Variants in FZD3 observed in about 807,000 individuals in gnomAD.
FZD3 encodes the protein frizzled class receptor 3.
FZD3 carries 30 observed loss-of-function variants against 60.7 expected under a neutral mutation model. The observed-to-expected ratio is 0.49, with a 90% CI of 0.37 to 0.67. The LOEUF (loss-of-function observed/expected upper bound fraction) is 0.67, where lower values mean the gene tolerates loss of function less well. Among genes scored for constraint, FZD3 ranks in the 30% least tolerant of loss-of-function variants. The pLI, the probability that FZD3 is intolerant of heterozygous loss-of-function variation, is 0.00. For missense variants in FZD3, 605 were observed against 838.7 expected (o/e 0.72, Z 3.44); for synonymous variants, 246 against 275.2 (o/e 0.89, Z 1.05).
rs574753720 is a variant in FZD3 at position 28,570,246 on chromosome 8, C to T, written c.*7235C>T. ...GTGGCTCACGCCTGTAATCCCAGCA[C>T]TTTGGGAGGCCAAGGTGGGCAGATC... On this transcript the variant is annotated 3_prime_UTR_variant, in exon 8 of 8. Coordinates refer to ENST00000240093, the MANE Select transcript of FZD3 (RefSeq NM_017412.4). 6.6e-6 allele frequency: 1 copy of T among 152,456 alleles called. No individual in the cohort carries two copies. Among genetic ancestry groups the T allele is most frequent in the African/African-American group, 2.4e-5 (1 of 41,564 alleles). 9.4% of individuals were successfully genotyped at this position (152,456 alleles called of 1,614,324 possible). A position where few individuals can be genotyped will look rare whatever the true frequency, so the allele number is the denominator to read the frequency against.
At chr8:28,554,806 A>T (rs13267664) in intron 6 of FZD3, among the ~76,000 whole-genome samples, 80,728 of 151,916 alleles carry the variant, frequency 0.53, 21,983 homozygotes, top group South Asian at 0.63. Context: ...CTTTTGTAAT[A>T]TGAGAATTTA....
chr8:28,528,483 T>C (rs539190999), intron 5 of FZD3, among the ~76,000 whole-genome samples: 1 of 152,120 alleles, frequency 6.6e-6, no homozygotes, highest in Non-Finnish European at 1.5e-5. Context: ...TATAAAAATT[T>C]GCTTTTTATG....
chr8:28,502,485 G>A (rs1032139098), intron 2 of FZD3, among the ~76,000 whole-genome samples, 185 bp from the exon 3 acceptor site: 1 of 152,114 alleles, frequency 6.6e-6, no homozygotes, highest in African/African-American at 2.4e-5. Context: ...GCTGTTTAAG[G>A]ATCATTTTAG....
In FZD3 at chr8:28,566,824, G is replaced by A. The variant is rs1805713647; in HGVS notation, c.*3813G>A. The A allele has an allele frequency of 6.6e-6, 1 of 152,110 alleles. No individual in the cohort carries two copies. Among genetic ancestry groups the A allele is most frequent in the African/African-American group, 2.4e-5 (1 of 41,412 alleles). 9.4% of individuals were successfully genotyped at this position (152,110 alleles called of 1,614,324 possible). A position where few individuals can be genotyped will look rare whatever the true frequency, so the allele number is the denominator to read the frequency against. The stretch of plus-strand genomic sequence containing the variant: ...GGATTGGAATTTTAAGACTCATGAT[G>A]TCAACTGGGCTGGTCATTTTATTTC... On this transcript the variant is annotated 3_prime_UTR_variant, in exon 8 of 8. Coordinates refer to ENST00000240093, the MANE Select transcript of FZD3 (RefSeq NM_017412.4).
At chr8:28,506,768 C>T (rs1218547601) in intron 3 of FZD3, among the ~76,000 whole-genome samples, 4 of 152,122 alleles carry the variant, frequency 2.6e-5, no homozygotes, top group African/African-American at 9.7e-5. Flanking sequence ...GCCTGAACAT[C>T]CTGTATCTTT....
intron 5 of FZD3, among the ~76,000 whole-genome samples, chr8:28,528,573 C>T (rs1370654338): frequency 6.6e-6 from 1 of 152,106 alleles, no homozygotes; most frequent in African/African-American, 2.4e-5. Context: ...AGTATAAAAA[C>T]TCAATGATCT....
intron 6 of FZD3, among the ~76,000 whole-genome samples, chr8:28,552,761 A>T (rs1016419881): frequency 2.6e-5 from 4 of 152,334 alleles, no homozygotes; most frequent in African/African-American, 9.6e-5. Context: ...AATTTCTGTT[A>T]TACAAATTAT....
intron 4 of FZD3, among the ~76,000 whole-genome samples, chr8:28,525,987 C>A (rs1043887465): frequency 6.6e-6 from 1 of 151,960 alleles, no homozygotes; most frequent in Non-Finnish European, 1.5e-5. Context: ...TATAGAATAA[C>A]CATTTATGGA....
Position 28,527,194 on chromosome 8 carries a change from T to C in FZD3, c.434T>C (p.Leu145Ser), listed in dbSNP as rs779432594. The change falls in exon 5 of 8, where the codon TTA becomes TCA. Residue 145 changes from leucine (L) to serine (S), a missense_variant. Coordinates refer to ENST00000240093, the MANE Select transcript of FZD3 (RefSeq NM_017412.4). The surrounding 1 kb of genome is among the most constrained non-coding windows in gnomAD (Gnocchi z 5.0). ...EPYPRLVDLN[L>S]AGEPTEGAPV... The stretch of plus-strand genomic sequence containing the variant: ...TATCCTCGACTTGTGGATCTGAATT[T>C]AGCTGGAGAACCAACTGAAGGAGCC... The C allele has an allele frequency of 5.0e-6, 8 of 1,613,642 alleles. No homozygotes were observed. The highest frequency in any genetic ancestry group is 1.3e-5 in the African/African-American group (1 of 74,912).
Position 28,570,884 on chromosome 8 carries a change from T to A in FZD3, c.*7873T>A, listed in dbSNP as rs1805795382. On this transcript the variant is annotated 3_prime_UTR_variant, in exon 8 of 8. Coordinates refer to ENST00000240093, the MANE Select transcript of FZD3 (RefSeq NM_017412.4). ...TATAGGAAGGTATACTGGTTTCTGG[T>A]GTGATTCTTTAGCTACATTTATTCC... is the stretch of plus-strand genomic sequence containing the variant. 6.6e-6 allele frequency: 1 copy of A among 151,868 alleles called. No individual in the cohort carries two copies. The highest frequency in any genetic ancestry group is 1.5e-5 in the Non-Finnish European group (1 of 67,984). 9.4% of individuals were successfully genotyped at this position (151,868 alleles called of 1,614,324 possible).
At position 28,503,185 on chromosome 8, in the gene FZD3, G is replaced by T. The variant is rs764528480; in HGVS notation, c.172G>T (p.Ala58Ser). ...NLLNHYDQQTAALAMEPFHPM... is the reference protein window; with the variant it reads ...NLLNHYDQQTSALAMEPFHPM... ...TCTGAATCATTATGACCAACAGACA[G>T]CAGCTTTGGCAATGGAGGTAAGACT... Residue 58 changes from alanine (A) to serine (S), a missense_variant, in exon 3 of 8, where the codon GCA becomes TCA. Transcript: ENST00000240093. 6.2e-7 allele frequency: 1 copy of T among 1,611,176 alleles called. No homozygotes were observed. The highest frequency in any genetic ancestry group is 1.7e-5 in the Admixed American group (1 of 60,004).
rs1169821083 is a variant in FZD3 at position 28,570,643 on chromosome 8, A to C, written c.*7632A>C. On this transcript the variant is annotated 3_prime_UTR_variant, in exon 8 of 8. Transcript: ENST00000240093. The stretch of plus-strand genomic sequence containing the variant: ...CTATCTCAAAAAAAAAAAAAGAAAA[A>C]AAAAAAAGTAGAGATTGCATTAGTT... The C allele has an allele frequency of 6.6e-6, 1 of 152,472 alleles. No homozygotes were observed. Among genetic ancestry groups the C allele is most frequent in the Non-Finnish European group, 1.5e-5 (1 of 68,458 alleles). The allele number at this position is 152,472 out of a possible 1,614,324, so 9.4% of individuals were successfully genotyped here. A position where few individuals can be genotyped will look rare whatever the true frequency, so the allele number is the denominator to read the frequency against.
In FZD3 at chr8:28,517,601, C is replaced by A. The variant is rs1026263427; in HGVS notation, c.190-3037C>A. 2.6e-5 allele frequency among the ~76,000 whole-genome samples: 4 copies of A among 152,106 alleles called. No individual in the cohort carries two copies. In the South Asian group the frequency reaches 8.3e-4, roughly 32 times the overall value. Reference sequence around the variant, plus strand: ...TTTTGTGTGTTTTACATGTTTCTTACCCTTTTTTCTGTATTTTTTGGTCTG... The same window carrying A: ...TTTTGTGTGTTTTACATGTTTCTTAACCTTTTTTCTGTATTTTTTGGTCTG... On this transcript the variant is annotated intron_variant, in intron 3 of 7. Transcript: ENST00000240093.
At chr8:28,496,438 C>G (rs1298529204) in intron 1 of FZD3, among the ~76,000 whole-genome samples, 2 of 151,848 alleles carry the variant, frequency 1.3e-5, no homozygotes, top group African/African-American at 2.4e-5. Flanking sequence ...TGTTTTTGTT[C>G]TTTTTGGTTT....
At chr8:28,504,752 C>G (rs1804091820) in intron 3 of FZD3, among the ~76,000 whole-genome samples, 1 of 152,214 alleles carries the variant, frequency 6.6e-6, no homozygotes. Context: ...AATTCCATTT[C>G]TAAATCATCT....
chr8:28,499,675 A>G (rs1171807223), intron 1 of FZD3, among the ~76,000 whole-genome samples: 1 of 152,072 alleles, frequency 6.6e-6, no homozygotes, highest in Non-Finnish European at 1.5e-5. Flanking sequence ...CTCCCACCCT[A>G]TACTGTGTTC....
chr8:28,501,157 TGAG>T (rs1803983525), intron 2 of FZD3, among the ~76,000 whole-genome samples: 1 of 152,188 alleles, frequency 6.6e-6, no homozygotes, highest in South Asian at 2.1e-4. Flanking sequence ...ATGTAGAACA[TGAG>T]GCGCTTTAGG....
intron 5 of FZD3, among the ~76,000 whole-genome samples, chr8:28,542,191 A>T (rs1209589324): frequency 6.8e-6 from 1 of 146,882 alleles, no homozygotes; most frequent in African/African-American, 2.5e-5. Flanking sequence ...TCTTCCATCC[A>T]TGCTCACTTT....
intron 7 of FZD3, among the ~76,000 whole-genome samples, chr8:28,559,065 T>C (rs1805568108): frequency 6.6e-6 from 1 of 152,188 alleles, no homozygotes; most frequent in Non-Finnish European, 1.5e-5. Flanking sequence ...TGAAAGTATC[T>C]TAAAGGAGAT....
Sources: gnomAD v4.1 joint callset for allele counts (sites outside exome capture counted in the v4.1 genomes callset) on GRCh38, gnomAD v4.1.1 for gene constraint, Gnocchi (gnomAD v3.1) non-coding constraint, MANE v1.5 for transcripts, NCBI Gene and HGNC (gene_info 2026-07-23, HGNC 2026-07-21) for gene names.